MALRD1: variants seen among roughly 807,000 people sequenced by gnomAD.
The protein encoded by MALRD1 is MAM and LDL-receptor class A domain-containing protein 1.
In MALRD1, 247 loss-of-function variants were observed where a neutral mutation model predicts 242.1. That is an observed-to-expected ratio of 1.02 (90% CI 0.92 to 1.13). MALRD1 has a LOEUF of 1.13. Among genes scored for constraint, MALRD1 ranks in the 50% most tolerant of loss-of-function variants. The probability of loss-of-function intolerance (pLI) is 0.00; values close to 1 mark genes in which losing one functional copy is unlikely to be tolerated. For missense variants in MALRD1, 2,989 were observed against 2,533.1 expected (o/e 1.18, Z -3.86); for synonymous variants, 995 against 866.6 (o/e 1.15, Z -2.60).
chr10:19,142,078 A>G (rs1833563276), intron 10 of MALRD1, among the ~76,000 whole-genome samples: 1 of 148,532 alleles, frequency 6.7e-6, no homozygotes, highest in Admixed American at 6.9e-5. Flanking sequence ...AGGCTGAGGC[A>G]GGAGAATGGC....
chr10:19,618,179 C>A (rs968311904), intron 36 of MALRD1, among the ~76,000 whole-genome samples: 2 of 151,978 alleles, frequency 1.3e-5, no homozygotes, highest in African/African-American at 4.8e-5. Context: ...TTTTTTAAGG[C>A]TGCATAGTAT....
chr10:19,316,759 G>T (rs760187036), intron 21 of MALRD1, among the ~76,000 whole-genome samples: 3 of 151,840 alleles, frequency 2.0e-5, no homozygotes, highest in African/African-American at 4.8e-5. Context: ...TAGAATGGTG[G>T]TTATCAGAGT....
chr10:19,578,420 A>G (rs543829843), intron 33 of MALRD1, among the ~76,000 whole-genome samples: 1 of 152,296 alleles, frequency 6.6e-6, no homozygotes, highest in African/African-American at 2.4e-5. Flanking sequence ...TTCCAGGTAC[A>G]GTGGCTCATG....
rs145394336 is a variant in MALRD1, at chr10:19,524,761, A to C, written c.5321-6433A>C. On this transcript the variant is annotated intron_variant, in intron 31 of 39. Coordinates refer to ENST00000454679, the MANE Select transcript of MALRD1 (RefSeq NM_001142308.3). Reference sequence around the variant, plus strand: ...AAGTCTAAAACTGAGTCTTAATTTAAAGCAGGGATTGAATTCAGATCACTT... The same window carrying C: ...AAGTCTAAAACTGAGTCTTAATTTACAGCAGGGATTGAATTCAGATCACTT... 1.6e-3 allele frequency among the ~76,000 whole-genome samples: 239 copies of C among 152,280 alleles called. 2 individuals are homozygous for C. The highest frequency in any genetic ancestry group is 7.0e-3 in the Admixed American group (107 of 15,302).
rs199973822 is a variant in MALRD1 at position 19,731,492 on chromosome 10, T to TTGTGTGTGTGTGTG, written c.6390+726_6390+739dup. On this transcript the variant is annotated intron_variant, in intron 39 of 39. Coordinates refer to ENST00000454679, the MANE Select transcript of MALRD1 (RefSeq NM_001142308.3). Reference sequence around the variant, plus strand: ...TATCTATCACCTCACATAGTTTACTTTGTGTGTGTGTGTGTGTGTGTGTGT... The same window carrying TTGTGTGTGTGTGTG: ...TATCTATCACCTCACATAGTTTACTTTGTGTGTGTGTGTGTGTGTGTGTGTGTGTGTGTGTGTGT... Among the ~76,000 whole-genome samples, 233 of 146,986 alleles carry TTGTGTGTGTGTGTG rather than the reference T, an allele frequency of 1.6e-3. 1 individual carries two copies. Among genetic ancestry groups the TTGTGTGTGTGTGTG allele is most frequent in the African/African-American group, 4.7e-3 (191 of 40,298 alleles).
chr10:19,196,295 A>G (rs11008894), intron 14 of MALRD1, among the ~76,000 whole-genome samples: 1 of 151,854 alleles, frequency 6.6e-6, no homozygotes, highest in Non-Finnish European at 1.5e-5. Flanking sequence ...CCTTTCTTTT[A>G]TATTACTCAA....
chr10:19,167,229 C>T (rs951543553), intron 13 of MALRD1, among the ~76,000 whole-genome samples: 1 of 151,936 alleles, frequency 6.6e-6, no homozygotes, highest in Non-Finnish European at 1.5e-5. Flanking sequence ...CATGGTGGCA[C>T]GTGCCTGTAG....
intron 13 of MALRD1, among the ~76,000 whole-genome samples, chr10:19,171,500 A>G (rs962880424): frequency 6.9e-6 from 1 of 144,312 alleles, no homozygotes; most frequent in South Asian, 2.2e-4. Flanking sequence ...ACACACATAT[A>G]TATGTGTCTA....
chr10:19,724,621 G>A (rs1834926642), intron 38 of MALRD1, among the ~76,000 whole-genome samples: 1 of 152,092 alleles, frequency 6.6e-6, no homozygotes, highest in Admixed American at 6.6e-5. Context: ...GTCCAACATT[G>A]CCATCATAAT....
chr10:19,195,804 T>C (rs74118847), intron 14 of MALRD1, among the ~76,000 whole-genome samples: 1,879 of 152,118 alleles, frequency 0.012, 41 homozygotes, highest in African/African-American at 0.043. Flanking sequence ...TCACTTTACA[T>C]TGGGGATTGC....
At chr10:19,639,207 G>T (rs1840276369) in intron 36 of MALRD1, among the ~76,000 whole-genome samples, 1 of 152,130 alleles carries the variant, frequency 6.6e-6, no homozygotes, top group African/African-American at 2.4e-5. Context: ...TTTTGTTTCA[G>T]AAAAAGTATC....
chr10:19,148,788 A>AAATATATATATATAT (rs1206724666), intron 11 of MALRD1, among the ~76,000 whole-genome samples: 1 of 88,014 alleles, frequency 1.1e-5, no homozygotes, highest in Non-Finnish European at 2.5e-5. Context: ...AAAAAAAAAA[A>AAATATATATATATAT]ATATATATAT....
At chr10:19,250,338 T>C (rs1257046939) in intron 18 of MALRD1, among the ~76,000 whole-genome samples, 1 of 152,084 alleles carries the variant, frequency 6.6e-6, no homozygotes, top group Non-Finnish European at 1.5e-5. Flanking sequence ...AATCATTCAT[T>C]GTAACCTTTA....
chr10:19,270,838 A>ACACACACACG (rs1260066166), intron 19 of MALRD1, among the ~76,000 whole-genome samples: 2 of 151,502 alleles, frequency 1.3e-5, no homozygotes, highest in Admixed American at 6.6e-5. Flanking sequence ...ACACACACAC[A>ACACACACACG]CACACGCACA....
chr10:19,396,976 CATA>C (rs1427525033), intron 28 of MALRD1, among the ~76,000 whole-genome samples: 5 of 152,040 alleles, frequency 3.3e-5, no homozygotes, highest in African/African-American at 9.7e-5. Flanking sequence ...TTTTAACTGA[CATA>C]ATAATTCCAC....
At chr10:19,550,223 C>T (rs1323161240) in intron 32 of MALRD1, among the ~76,000 whole-genome samples, 3 of 152,004 alleles carry the variant, frequency 2.0e-5, no homozygotes, top group African/African-American at 7.2e-5. Flanking sequence ...TATAATTACC[C>T]GCTCCCCTAC....
At chr10:19,266,113 G>T (rs1839963957) in intron 19 of MALRD1, among the ~76,000 whole-genome samples, 1 of 150,894 alleles carries the variant, frequency 6.6e-6, no homozygotes, top group Admixed American at 6.6e-5. Flanking sequence ...CAAAGTGGAA[G>T]TGAGACTCTT....
intron 33 of MALRD1, among the ~76,000 whole-genome samples, chr10:19,587,600 A>T (rs1333201074): frequency 6.6e-6 from 1 of 152,224 alleles, no homozygotes. Context: ...TGTAATTTTT[A>T]TTCCTATAAG....
chr10:19,703,827 G>A (rs755304014), intron 38 of MALRD1, among the ~76,000 whole-genome samples: 21 of 152,088 alleles, frequency 1.4e-4, no homozygotes, highest in Non-Finnish European at 2.2e-4. Flanking sequence ...CCCAGGAAGC[G>A]GAGGTTGCAG....
Sources: allele counts gnomAD v4.1 joint callset (sites outside exome capture counted in the v4.1 genomes callset), GRCh38; gene constraint gnomAD v4.1.1; transcripts MANE v1.5; gene names NCBI Gene and HGNC (gene_info 2026-07-23, HGNC 2026-07-21).